Variants in SLC6A5 observed in about 807,000 individuals in gnomAD.
SLC6A5 encodes solute carrier family 6 member 5, also known as sodium- and chloride-dependent glycine transporter 2.
A neutral mutation model predicts 90.5 loss-of-function variants in SLC6A5; 58 were observed. The ratio of observed to expected loss-of-function variants is 0.64; its 90% CI spans 0.52 to 0.80. The LOEUF (loss-of-function observed/expected upper bound fraction) is 0.80. SLC6A5 is among the 30% of genes least tolerant of loss of function. The pLI is 0.00. For synonymous variants in SLC6A5, 427 were observed against 401.4 expected, an observed-to-expected ratio of 1.06 and a Z score of -0.76; for missense variants, 1,015 against 1,017.6, an observed-to-expected ratio of 1.00 and a Z score of 0.03.
At chr11:20,615,139 C>T (rs1852761123) in intron 6 of SLC6A5, among the ~76,000 whole-genome samples, 1 of 152,178 alleles carries the variant, frequency 6.6e-6, no homozygotes, top group Non-Finnish European at 1.5e-5. Flanking sequence ...TCCATCTGCA[C>T]TTGGCTTCAG....
rs79871180 is a variant in SLC6A5, at chr11:20,612,502, C to A, written c.986-2177C>A. On this transcript the variant is annotated intron_variant, in intron 5 of 15. Transcript: ENST00000525748. ...TAAAATGGGAGTCCATGCACCAGAT[C>A]AAGCCTGCTTCTTAAAATTATTTAT... Among the ~76,000 whole-genome samples the A allele has an allele frequency of 2.0e-5, 3 of 152,286 alleles. No homozygotes were observed. The East Asian group carries it at 5.8e-4, about 29-fold the overall frequency.
chr11:20,654,898 T>A lies in SLC6A5; in HGVS notation c.*30T>A. ...GTGGTGTGGGATGGTCCAGACTTGA[T>A]CCTGTTTTTCCTCTCTGCCTCCTCC... is the stretch of plus-strand genomic sequence containing the variant. On this transcript the variant is annotated 3_prime_UTR_variant, in exon 16 of 16. Coordinates refer to ENST00000525748, the MANE Select transcript of SLC6A5 (RefSeq NM_004211.5). 6.2e-7 allele frequency: 1 copy of A among 1,609,478 alleles called. No individual in the cohort carries two copies. The highest frequency in any genetic ancestry group is 8.5e-7 in the Non-Finnish European group (1 of 1,175,710).
intron 6 of SLC6A5, among the ~76,000 whole-genome samples, chr11:20,615,648 TG>T (rs1196570142): frequency 6.6e-6 from 1 of 152,228 alleles, no homozygotes; most frequent in Non-Finnish European, 1.5e-5. Context: ...ATTACAGGCG[TG>T]AGCCACTGCA....
intron 5 of SLC6A5, among the ~76,000 whole-genome samples, chr11:20,608,050 T>C (rs1214542538): frequency 6.6e-6 from 1 of 152,226 alleles, no homozygotes; most frequent in East Asian, 1.9e-4. Context: ...CCCTAGCCTT[T>C]CTGAATAGAT....
rs7109418 is a variant in SLC6A5 at position 20,601,461 on chromosome 11, C to T, written c.336C>T (p.Ser112=). The T allele has an allele frequency of 0.26, 423,575 of 1,609,300 alleles. 58,823 individuals are homozygous for T. The highest frequency in any genetic ancestry group is 0.28 in the Non-Finnish European group (334,064 of 1,177,798). ...GAQASPPPGS[S]GPGNALHCKI... The stretch of plus-strand genomic sequence containing the variant: ...AGGCCTCGCCCCCTCCCGGGAGCTC[C>T]GGGCCCGGCAACGCGCTGCACTGTA... Residue 112 remains serine, a synonymous_variant, in exon 2 of 16, where the codon TCC becomes TCT. Coordinates refer to ENST00000525748, the MANE Select transcript of SLC6A5 (RefSeq NM_004211.5).
Position 20,657,927 on chromosome 11 carries a change from T to G in SLC6A5, c.*3059T>G, listed in dbSNP as rs1390796717. The G allele has an allele frequency of 6.6e-6, 1 of 152,248 alleles. No individual in the cohort carries two copies. Among genetic ancestry groups the G allele is most frequent in the East Asian group, 1.9e-4 (1 of 5,206 alleles). The allele number at this position is 152,248 out of a possible 1,614,324, so 9.4% of individuals were successfully genotyped here. On this transcript the variant is annotated 3_prime_UTR_variant, in exon 16 of 16. Transcript: ENST00000525748. ...GTGTCTAGTTCTGTTTTATTGTTTC[T>G]TTTTCCTTTATATTTATGTATTGCA...
chr11:20,643,621 C>G (rs1853355344), intron 13 of SLC6A5, among the ~76,000 whole-genome samples: 1 of 152,212 alleles, frequency 6.6e-6, no homozygotes, highest in African/African-American at 2.4e-5. Context: ...GGGATCAACT[C>G]TTGGACCTTA....
intron 5 of SLC6A5, among the ~76,000 whole-genome samples, chr11:20,613,705 C>T (rs1411387468): frequency 1.6e-5 from 2 of 121,288 alleles, no homozygotes; most frequent in African/African-American, 6.3e-5. Context: ...ATCACCCAGG[C>T]TGGGAATGCA....
At chr11:20,635,335 G>A (rs1024267858) in intron 10 of SLC6A5, among the ~76,000 whole-genome samples, 1 of 152,086 alleles carries the variant, frequency 6.6e-6, no homozygotes, top group Non-Finnish European at 1.5e-5. Context: ...ACGGAATCTG[G>A]ATTTGGACCA....
chr11:20,601,262 C>T lies in SLC6A5; in HGVS notation c.137C>T (p.Pro46Leu), dbSNP rs12364685. 6 of 1,583,954 alleles carry T rather than the reference C, an allele frequency of 3.8e-6. No homozygotes were observed. The highest frequency in any genetic ancestry group is 5.1e-6 in the Non-Finnish European group (6 of 1,172,446). Residue 46 changes from proline (P) to leucine (L), a missense_variant, in exon 2 of 16, where the codon CCG becomes CTG. This residue lies in a region of SLC6A5 where 567 missense variants were observed against 507.3 expected (regional missense o/e 1.12). Coordinates refer to ENST00000525748, the MANE Select transcript of SLC6A5 (RefSeq NM_004211.5). The part of the protein sequence containing the change: ...PEQELPAAAA[P>L]PPPRVPRSAS... ...CAGGAGCTTCCCGCGGCTGCCGCCCCGCCGCCGCCACGTGTGCCCAGGTCC... is the reference window on the plus strand; with the variant it reads ...CAGGAGCTTCCCGCGGCTGCCGCCCTGCCGCCGCCACGTGTGCCCAGGTCC...
rs908486220 is a variant in SLC6A5, at chr11:20,659,079, A to ATC, written c.*4212_*4213insCT. 1.6e-5 allele frequency: 2 copies of ATC among 128,008 alleles called. No homozygotes were observed. The highest frequency in any genetic ancestry group is 8.0e-5 in the Admixed American group (1 of 12,470). 7.9% of individuals were successfully genotyped at this position (128,008 alleles called of 1,614,324 possible). On this transcript the variant is annotated 3_prime_UTR_variant, in exon 16 of 16. Coordinates refer to ENST00000525748, the MANE Select transcript of SLC6A5 (RefSeq NM_004211.5). The stretch of plus-strand genomic sequence containing the variant: ...CATATATATATATATATATATATAT[A>ATC]TATCTTATAGATTACATATTATATA...
intron 13 of SLC6A5, among the ~76,000 whole-genome samples, chr11:20,644,848 GT>G (rs1853380496): frequency 6.6e-6 from 1 of 151,514 alleles, no homozygotes; most frequent in African/African-American, 2.4e-5. Context: ...TTTCGCTCTG[GT>G]TGCCCAGGCT....
At chr11:20,652,138 C>T (rs1198032264) in intron 14 of SLC6A5, 151 bp from the exon 15 acceptor site, 1 of 759,036 alleles carries the variant, frequency 1.3e-6, no homozygotes, top group Non-Finnish European at 2.2e-6. Context: ...TTAGTTTCTT[C>T]ATTTGAAAAA....
chr11:20,641,838 C>T (rs1196612331), intron 13 of SLC6A5, among the ~76,000 whole-genome samples: 1 of 152,074 alleles, frequency 6.6e-6, no homozygotes, highest in African/African-American at 2.4e-5. Flanking sequence ...AACACACACA[C>T]TTAAGACACT....
intron 3 of SLC6A5, 39 bp from the exon 4 acceptor site, chr11:20,606,968 T>C: frequency 6.2e-7 from 1 of 1,613,706 alleles, no homozygotes; most frequent in Non-Finnish European, 8.5e-7. Context: ...CAGCCTGCTT[T>C]TGCCTCCTAG....
chr11:20,616,065 G>A (rs1852778358), intron 6 of SLC6A5, among the ~76,000 whole-genome samples: 1 of 152,170 alleles, frequency 6.6e-6, no homozygotes, highest in South Asian at 2.1e-4. Flanking sequence ...ATAAATCAAT[G>A]AGCCTCCAGT....
intron 3 of SLC6A5, 92 bp downstream of exon 3, chr11:20,604,516 C>G: frequency 1.3e-6 from 2 of 1,510,550 alleles, no homozygotes; most frequent in African/African-American, 1.4e-5. Flanking sequence ...GGCCGCCGGG[C>G]GGGGAGGCTC....
chr11:20,617,744 A>C lies in SLC6A5; in HGVS notation c.1128-8A>C. 1 of 1,613,148 alleles carries C rather than the reference A, an allele frequency of 6.2e-7. No individual in the cohort carries two copies. The highest frequency in any genetic ancestry group is 1.7e-5 in the Admixed American group (1 of 59,982). On this transcript the variant is annotated splice_polypyrimidine_tract_variant and splice_region_variant and intron_variant, in intron 6 of 15. Transcript: ENST00000525748. ...ATCACTCCCCCCATCCCTCCCTCCA[A>C]CTCTCAGGTACTTTGTGCTGAAGAT...
At chr11:20,620,226 G>T (rs1852864331) in intron 7 of SLC6A5, among the ~76,000 whole-genome samples, 1 of 152,166 alleles carries the variant, frequency 6.6e-6, no homozygotes. Flanking sequence ...AGAGGTGATA[G>T]GTGAGGAGGG....
Sources: gnomAD v4.1 joint callset for allele counts (sites outside exome capture counted in the v4.1 genomes callset) on GRCh38, gnomAD v4.1.1 for gene constraint, gnomAD v4.1.1 regional missense constraint, MANE v1.5 for transcripts, NCBI Gene and HGNC (gene_info 2026-07-23, HGNC 2026-07-21) for gene names.